The following LRCH2 variants were observed in gnomAD, a reference collection of about 807,000 sequenced individuals.
The protein encoded by LRCH2 is leucine-rich repeat and calponin homology domain-containing protein 2.
In LRCH2, 38 loss-of-function variants were observed where a neutral mutation model predicts 68.9. The ratio of observed to expected loss-of-function variants is 0.55; its 90% CI spans 0.43 to 0.72. The LOEUF (loss-of-function observed/expected upper bound fraction) is 0.72, where lower values mean the gene tolerates loss of function less well. Ranked by LOEUF, LRCH2 falls within the 30% of genes least tolerant of loss-of-function variation. LRCH2 has a pLI of 0.00. For missense variants in LRCH2, 528 were observed against 572.9 expected (o/e 0.92, Z 0.80); for synonymous variants, 191 against 208.1 (o/e 0.92, Z 0.71).
intron 3 of LRCH2, among the ~76,000 whole-genome samples, chrX:115,181,612 G>C (rs1556552741): frequency 8.9e-6 from 1 of 111,927 alleles, no homozygotes; most frequent in African/African-American, 3.3e-5. Context: ...CATTGCAGTT[G>C]ATTATCACAT....
chrX:115,122,395 A>G, intron 20 of LRCH2, 132 bp downstream of exon 20: 1 of 479,665 alleles, frequency 2.1e-6, no homozygotes, highest in Non-Finnish European at 3.5e-6. Flanking sequence ...GCTGGAGCTT[A>G]GGAGAAGGTA....
chrX:115,146,906 TACACACACACACACACACAC>T (rs57837250), intron 14 of LRCH2, among the ~76,000 whole-genome samples: 9 of 67,576 alleles, frequency 1.3e-4, no homozygotes, highest in East Asian at 1.1e-3. Flanking sequence ...CTTACATACA[TACACACACACACACACACAC>T]ACACACACAC....
intron 5 of LRCH2, among the ~76,000 whole-genome samples, chrX:115,176,908 A>G (rs1194568272): frequency 2.8e-5 from 3 of 107,484 alleles, no homozygotes; most frequent in Admixed American, 1.0e-4. Flanking sequence ...CACCACACCC[A>G]GCTAATTTTT....
chrX:115,198,916 G>T (rs1339504202), intron 1 of LRCH2, among the ~76,000 whole-genome samples: 1 of 111,856 alleles, frequency 8.9e-6, no homozygotes, highest in Admixed American at 9.5e-5. Flanking sequence ...AGAAGGGAAT[G>T]ACATATTAAA....
intron 2 of LRCH2, among the ~76,000 whole-genome samples, chrX:115,186,127 G>A (rs782213367): frequency 1.7e-4 from 19 of 111,533 alleles, no homozygotes; most frequent in African/African-American, 4.9e-4. Flanking sequence ...TTGAGAGGCC[G>A]AGGCGGGCAA....
At chrX:115,123,867 A>G (rs1282661092) in intron 17 of LRCH2, 78 bp downstream of exon 17, 4 of 619,854 alleles carry the variant, frequency 6.5e-6, no homozygotes, top group Non-Finnish European at 9.8e-6. Context: ...ACTTAAGACT[A>G]TGGAATCAAT....
At chrX:115,180,127 C>T (rs782363223) in intron 3 of LRCH2, among the ~76,000 whole-genome samples, 1 of 111,592 alleles carries the variant, frequency 9.0e-6, no homozygotes, top group Non-Finnish European at 1.9e-5. Flanking sequence ...CTGTCAATTA[C>T]AGTAGTTGTC....
chrX:115,119,870 C>T (rs1254731856), intron 20 of LRCH2, among the ~76,000 whole-genome samples: 1 of 109,557 alleles, frequency 9.1e-6, no homozygotes, highest in Non-Finnish European at 1.9e-5. Flanking sequence ...ACACCGCATA[C>T]CTACAACTGT....
chrX:115,168,545 T>G (rs1556546387), intron 6 of LRCH2, among the ~76,000 whole-genome samples: 1 of 112,197 alleles, frequency 8.9e-6, no homozygotes, highest in Non-Finnish European at 1.9e-5. Flanking sequence ...CATGTATTTC[T>G]TTTTACTTTT....
chrX:115,189,433 C>T (rs1231644032), intron 1 of LRCH2: 36 of 1,160,564 alleles, frequency 3.1e-5, no homozygotes, highest in Non-Finnish European at 4.1e-5. Context: ...CACCATTCGG[C>T]AGGGAGACAT....
chrX:115,203,014 G>T (rs782495650), intron 1 of LRCH2, among the ~76,000 whole-genome samples: 1 of 111,873 alleles, frequency 8.9e-6, no homozygotes, highest in Non-Finnish European at 1.9e-5. Flanking sequence ...CTGCTGTAAA[G>T]AACTACCAGA....
chrX:115,139,982 T>C (rs1217207189), intron 14 of LRCH2, among the ~76,000 whole-genome samples: 1 of 111,235 alleles, frequency 9.0e-6, no homozygotes, highest in Non-Finnish European at 1.9e-5. Flanking sequence ...TTAGAACCAG[T>C]GTACTAGGGT....
intron 1 of LRCH2, among the ~76,000 whole-genome samples, chrX:115,219,393 A>C (rs909376079): frequency 3.2e-5 from 3 of 94,038 alleles, no homozygotes; most frequent in Non-Finnish European, 6.4e-5. Context: ...GACCAATTAA[A>C]AAGTAATGAC....
At chrX:115,213,301 A>G (rs2147355207) in intron 1 of LRCH2, among the ~76,000 whole-genome samples, 1 of 111,597 alleles carries the variant, frequency 9.0e-6, no homozygotes, top group South Asian at 3.8e-4. Context: ...TAACCACGGA[A>G]AACATACAAG....
Position 115,233,910 on chromosome X carries a change from C to CCCGCCGCCG in LRCH2, c.123_131dup (p.Gly42_Gly44dup). 8.9e-7 allele frequency: 1 copy of CCCGCCGCCG among 1,128,122 alleles called. No individual in the cohort carries two copies. The highest frequency in any genetic ancestry group is 1.2e-6 in the Non-Finnish European group (1 of 843,518). 93.0% of individuals were successfully genotyped at this position (1,128,122 alleles called of 1,213,427 possible). A position where few individuals can be genotyped will look rare whatever the true frequency, so the allele number is the denominator to read the frequency against. ...GTACCGGGATGGGGACCACCAGGGTCCCGCCGCCGCCGCCGCCTCCCCCTC... is the reference window on the plus strand; with the variant it reads ...GTACCGGGATGGGGACCACCAGGGTCCCGCCGCCGCCGCCGCCGCCGCCGCCTCCCCCTC... On this transcript the variant is annotated inframe_insertion, in exon 1 of 21. Coordinates refer to ENST00000317135, the MANE Select transcript of LRCH2 (RefSeq NM_020871.4).
Position 115,191,991 on chromosome X carries a change from C to T in LRCH2, c.350-3621G>A, listed in dbSNP as rs1057436949. The T allele has an allele frequency of 5.1e-6, 6 of 1,166,580 alleles. No individual in the cohort carries two copies. In the Admixed American group the frequency reaches 1.0e-4, roughly 20 times the overall value. On this transcript the variant is annotated intron_variant, in intron 1 of 20. Transcript: ENST00000317135. ...GTGACAGTTCCAGCAACAGTTACGACCGGAGCCACCGCTATGGAGGAGGAG... is the reference window on the plus strand; with the variant it reads ...GTGACAGTTCCAGCAACAGTTACGATCGGAGCCACCGCTATGGAGGAGGAG...
At chrX:115,117,686 T>C (rs1414744076) in intron 20 of LRCH2, among the ~76,000 whole-genome samples, 1 of 111,424 alleles carries the variant, frequency 9.0e-6, no homozygotes, top group Non-Finnish European at 1.9e-5. Context: ...TGAAAGAAGA[T>C]AGAAAAATAT....
At position 115,122,857 on chromosome X, in the gene LRCH2, A is replaced by G; in HGVS notation, c.2003T>C (p.Ile668Thr). ...AACCCCATCCATCAGTGCAGCTCCAATGTCATCAGGCAAAATTACTTTTAA... is the reference window on the plus strand; with the variant it reads ...AACCCCATCCATCAGTGCAGCTCCAGTGTCATCAGGCAAAATTACTTTTAA... Reference protein sequence around the residue: ...SRLKVILPDDIGAALMDGVVL... With the variant: ...SRLKVILPDDTGAALMDGVVL... The change falls in exon 19 of 21, where the codon ATT becomes ACT. Residue 668 changes from isoleucine to threonine, a missense_variant. Physicochemically the swap from Ile to Thr is moderately conservative, Grantham distance 89. Coordinates refer to ENST00000317135, the MANE Select transcript of LRCH2 (RefSeq NM_020871.4). 8.3e-7 allele frequency: 1 copy of G among 1,209,512 alleles called. No individual in the cohort carries two copies. The highest frequency in any genetic ancestry group is 3.0e-5 in the East Asian group (1 of 33,791).
At chrX:115,180,758 C>A (rs2072685622) in intron 3 of LRCH2, among the ~76,000 whole-genome samples, 1 of 111,335 alleles carries the variant, frequency 9.0e-6, no homozygotes, top group Non-Finnish European at 1.9e-5. Context: ...ATCCTACATA[C>A]CTCTTTCAAA....
Sources: allele counts gnomAD v4.1 joint callset (sites outside exome capture counted in the v4.1 genomes callset), GRCh38; gene constraint gnomAD v4.1.1; transcripts MANE v1.5; gene names NCBI Gene and HGNC (gene_info 2026-07-23, HGNC 2026-07-21).